The following BSPRY variants were observed in gnomAD, a reference collection of about 807,000 sequenced individuals.
BSPRY encodes the protein B box and SPRY domain-containing protein.
In BSPRY, 33 loss-of-function variants were observed where a neutral mutation model predicts 38.0. The ratio of observed to expected loss-of-function variants is 0.87; its 90% CI spans 0.66 to 1.16. The LOEUF (loss-of-function observed/expected upper bound fraction) is 1.16, where lower values mean the gene tolerates loss of function less well. BSPRY is among the 50% of genes most tolerant of loss of function. The probability of loss-of-function intolerance (pLI) is 0.00; values close to 1 mark genes in which losing one functional copy is unlikely to be tolerated. For missense variants in BSPRY, 523 were observed against 533.2 expected, an observed-to-expected ratio of 0.98 and a Z score of 0.19; for synonymous variants, 224 against 228.5, an observed-to-expected ratio of 0.98 and a Z score of 0.18.
intron 3 of BSPRY, among the ~76,000 whole-genome samples, chr9:113,361,503 G>C (rs1423087423): frequency 1.3e-5 from 2 of 152,164 alleles, no homozygotes; most frequent in Non-Finnish European, 2.9e-5. Flanking sequence ...CTGACAATTA[G>C]GATATGGAAG....
chr9:113,354,407 C>T, intron 2 of BSPRY, 69 bp downstream of exon 2: 1 of 1,324,430 alleles, frequency 7.6e-7, no homozygotes, highest in Non-Finnish European at 1.1e-6. Context: ...GGGACTTGGG[C>T]AAGTCTAGGG....
At chr9:113,369,315 C>A (rs907603681) in intron 5 of BSPRY, among the ~76,000 whole-genome samples, 2 of 152,246 alleles carry the variant, frequency 1.3e-5, no homozygotes, top group Admixed American at 6.5e-5. Context: ...TCTCTCTGGG[C>A]CTTATTTCTA....
At position 113,371,086 on chromosome 9, in the gene BSPRY, T is replaced by C. The variant is rs1834345768; in HGVS notation, c.*944T>C. ...GGACGGCCTTTTCTCTTAGAGCAGCTGATAAGTTTCCCTACCTGATGGCCC... is the reference window on the plus strand; with the variant it reads ...GGACGGCCTTTTCTCTTAGAGCAGCCGATAAGTTTCCCTACCTGATGGCCC... On this transcript the variant is annotated 3_prime_UTR_variant, in exon 6 of 6. Transcript: ENST00000374183. 1 of 152,232 alleles carries C rather than the reference T, an allele frequency of 6.6e-6. No individual in the cohort carries two copies. The allele number at this position is 152,232 out of a possible 1,614,324, so 9.4% of individuals were successfully genotyped here. A position where few individuals can be genotyped will look rare whatever the true frequency, so the allele number is the denominator to read the frequency against.
chr9:113,349,622 G>A lies in BSPRY; in HGVS notation c.43G>A (p.Gly15Arg), dbSNP rs1179469079. The change falls in exon 1 of 6, where the codon GGG becomes AGG. Residue 15 changes from glycine to arginine, a missense_variant. By Grantham distance (125) the Gly-to-Arg change is moderately radical (BLOSUM62 -2). Coordinates refer to ENST00000374183, the MANE Select transcript of BSPRY (RefSeq NM_017688.3). ...GGAGCCGGGGCCGGGGTCCGGGTCC[G>A]GGCCCGGGCCGGGGCCACTCTGCCC... The part of the protein sequence containing the change: ...GAEPGPGSGS[G>R]PGPGPLCPEH... 15 of 1,202,198 alleles carry A rather than the reference G, an allele frequency of 1.2e-5. No homozygotes were observed. Among genetic ancestry groups the A allele is most frequent in the Non-Finnish European group, 1.5e-5 (15 of 968,542 alleles). The allele number at this position is 1,202,198 out of a possible 1,614,324, so 74.5% of individuals were successfully genotyped here.
At position 113,349,562 on chromosome 9, in the gene BSPRY, C is replaced by T. The variant is rs1310517042; in HGVS notation, c.-18C>T. On this transcript the variant is annotated 5_prime_UTR_variant, in exon 1 of 6. In the 5' UTR this introduces an upstream ATG that the reference lacks. Coordinates refer to ENST00000374183, the MANE Select transcript of BSPRY (RefSeq NM_017688.3). ...CGCCACCTGCGACAGGTGGAGCGCA[C>T]GGGGCGGGCGCACGGCCATGTCCGC... The T allele has an allele frequency of 2.6e-6, 3 of 1,134,528 alleles. No individual in the cohort carries two copies. Among genetic ancestry groups the T allele is most frequent in the Admixed American group, 4.9e-5 (1 of 20,356 alleles). 70.3% of individuals were successfully genotyped at this position (1,134,528 alleles called of 1,614,324 possible).
At chr9:113,360,763 G>T in intron 3 of BSPRY, 26 bp downstream of exon 3, 2 of 1,539,320 alleles carry the variant, frequency 1.3e-6, no homozygotes, top group South Asian at 2.4e-5. Context: ...GTGAGGGCAT[G>T]ACCAGTTGGC....
chr9:113,358,936 G>A (rs1285140832), intron 2 of BSPRY, among the ~76,000 whole-genome samples: 2 of 152,176 alleles, frequency 1.3e-5, no homozygotes, highest in Non-Finnish European at 2.9e-5. Flanking sequence ...ACTGAGGCAG[G>A]AGGATCGCTT....
At chr9:113,369,002 T>TC (rs1834296950) in intron 5 of BSPRY, among the ~76,000 whole-genome samples, 1 of 150,440 alleles carries the variant, frequency 6.6e-6, no homozygotes, top group South Asian at 2.1e-4. Flanking sequence ...TTTTTTTTTT[T>TC]CAGTTTTAAT....
At chr9:113,360,477 C>T (rs1280404564) in intron 2 of BSPRY, 30 bp from the exon 3 acceptor site, 1 of 1,564,020 alleles carries the variant, frequency 6.4e-7, no homozygotes, top group Non-Finnish European at 8.7e-7. Flanking sequence ...TTGCACAGAC[C>T]ACCCAACTCC....
At chr9:113,353,717 T>TA (rs977900349) in intron 1 of BSPRY, among the ~76,000 whole-genome samples, 2 of 150,738 alleles carry the variant, frequency 1.3e-5, no homozygotes, top group East Asian at 1.9e-4. Context: ...AATAAATAAA[T>TA]AAAAAAAAAT....
Position 113,360,721 on chromosome 9 carries a change from A to AAG in BSPRY, c.515_516insAG (p.Asp172GlufsTer6), listed in dbSNP as rs1344990288. The AAG allele has an allele frequency of 4.4e-6, 7 of 1,591,972 alleles. No individual in the cohort carries two copies. Among genetic ancestry groups the AAG allele is most frequent in the Non-Finnish European group, 6.0e-6 (7 of 1,170,144 alleles). ...CTGGTGGGCATGCTTACTCACCTGG[A>AAG]TGACCTCCAGCTGATTGTAAGTCAG... On this transcript the variant is annotated frameshift_variant, in exon 3 of 6. Coordinates refer to ENST00000374183, the MANE Select transcript of BSPRY (RefSeq NM_017688.3). LOFTEE classifies it high-confidence loss of function.
At chr9:113,356,848 C>T (rs1343714853) in intron 2 of BSPRY, among the ~76,000 whole-genome samples, 1 of 151,908 alleles carries the variant, frequency 6.6e-6, no homozygotes, top group Admixed American at 6.6e-5. Flanking sequence ...TTGGCGGAGG[C>T]AGGGAGGGGA....
At position 113,370,121 on chromosome 9, in the gene BSPRY, G is replaced by A. The variant is rs1834322921; in HGVS notation, c.1188G>A (p.Gln396=). 1 of 1,581,976 alleles carries A rather than the reference G, an allele frequency of 6.3e-7. No homozygotes were observed. The highest frequency in any genetic ancestry group is 8.6e-7 in the Non-Finnish European group (1 of 1,163,988). The stretch of plus-strand genomic sequence containing the variant: ...TCCCAGTCTTTGCTGTGGCCGATCA[G>A]ACCATTTCTATCGTCCGCTGACCTC... ...PLFPVFAVAD[Q]TISIVR is the part of the protein sequence containing the mutation. The change falls in exon 6 of 6, where the codon CAG becomes CAA. Residue 396 remains glutamine (Q), a synonymous_variant. Coordinates refer to ENST00000374183, the MANE Select transcript of BSPRY (RefSeq NM_017688.3). The surrounding 1 kb of genome is among the most constrained non-coding windows in gnomAD (Gnocchi z 4.8).
chr9:113,349,850 G>A, intron 1 of BSPRY, 70 bp downstream of exon 1: 2 of 1,202,612 alleles, frequency 1.7e-6, no homozygotes, highest in Non-Finnish European at 2.1e-6. Context: ...GACCCGGCAG[G>A]GACTGGGGAG....
At position 113,369,700 on chromosome 9, in the gene BSPRY, C is replaced by T. The variant is rs530360149; in HGVS notation, c.767C>T (p.Thr256Ile). Residue 256 changes from threonine to isoleucine, a missense_variant, in exon 6 of 6, where the codon ACC becomes ATC. By Grantham distance (89) the Thr-to-Ile change is moderately conservative. Transcript: ENST00000374183. ...SDDRKTLTFS[T>I]KKSKACADGP... ...GATCGAAAGACCCTGACCTTCAGCA[C>T]CAAGAAGTCAAAGGCCTGTGCAGAT... is the stretch of plus-strand genomic sequence containing the variant. 16 of 1,614,234 alleles carry T rather than the reference C, an allele frequency of 9.9e-6. No homozygotes were observed. In the South Asian group the frequency reaches 1.5e-4, roughly 16 times the overall value.
At chr9:113,356,634 A>G (rs1834064502) in intron 2 of BSPRY, among the ~76,000 whole-genome samples, 1 of 152,222 alleles carries the variant, frequency 6.6e-6, no homozygotes, top group Admixed American at 6.5e-5. Flanking sequence ...GTCTGGACCC[A>G]AGCAATGGTG....
At chr9:113,354,384 G>A (rs759317375) in intron 2 of BSPRY, 46 bp downstream of exon 2, 3 of 1,531,234 alleles carry the variant, frequency 2.0e-6, no homozygotes, top group Non-Finnish European at 2.7e-6. Flanking sequence ...CCCAGGATAA[G>A]GCCTTAGACT....
intron 2 of BSPRY, 106 bp from the exon 3 acceptor site, chr9:113,360,401 C>A: frequency 1.9e-6 from 2 of 1,029,634 alleles, no homozygotes; most frequent in Non-Finnish European, 2.9e-6. Context: ...CCGTGGCAGA[C>A]ATTGCTAATC....
At chr9:113,353,421 G>C (rs1335178316) in intron 1 of BSPRY, among the ~76,000 whole-genome samples, 1 of 151,900 alleles carries the variant, frequency 6.6e-6, no homozygotes, top group South Asian at 2.1e-4. Context: ...AGAAACAAAC[G>C]CCTGGGTGCG....
Sources: gnomAD v4.1 joint callset for allele counts (sites outside exome capture counted in the v4.1 genomes callset) on GRCh38, gnomAD v4.1.1 for gene constraint, Gnocchi (gnomAD v3.1) non-coding constraint, MANE v1.5 for transcripts, NCBI Gene and HGNC (gene_info 2026-07-23, HGNC 2026-07-21) for gene names.